Variants in GLMN observed in about 807,000 individuals in gnomAD.
GLMN encodes glomulin.
GLMN carries 75 observed loss-of-function variants against 87.8 expected under a neutral mutation model. The ratio of observed to expected loss-of-function variants is 0.85; its 90% CI spans 0.71 to 1.04. The LOEUF is 1.04. GLMN is among the 50% of genes least tolerant of loss of function. The pLI, the probability that GLMN is intolerant of heterozygous loss-of-function variation, is 0.00. For missense variants in GLMN, 588 were observed against 658.8 expected (o/e 0.89, Z 1.18); for synonymous variants, 206 against 221.6 (o/e 0.93, Z 0.63).
At chr1:92,322,353 T>G in the GLMN span, among the ~76,000 whole-genome samples, 2 of 150,766 alleles carry the variant, frequency 1.3e-5, no homozygotes, top group African/African-American at 4.9e-5. Context: ...GAGACCAGCC[T>G]GGCCAACATG....
the GLMN span, chr1:92,345,870 C>A: frequency 6.2e-7 from 1 of 1,603,852 alleles, no homozygotes; most frequent in East Asian, 2.2e-5. Context: ...ATATTATACA[C>A]AAACCTGCGG....
At chr1:92,324,009 G>C in the GLMN span, 3 of 1,613,918 alleles carry the variant, frequency 1.9e-6, no homozygotes, top group African/African-American at 1.3e-5. Flanking sequence ...AAGTTGGAAA[G>C]AGAAACTTAC....
upstream of GLMN, chr1:92,301,614 T>G (rs1195294572): frequency 9.7e-7 from 1 of 1,029,416 alleles, no homozygotes; most frequent in Non-Finnish European, 1.4e-6. Context: ...TGACAAATTA[T>G]TAGTTTTGTA....
chr1:92,308,959 CA>C, the GLMN span, among the ~76,000 whole-genome samples: 1 of 151,910 alleles, frequency 6.6e-6, no homozygotes, highest in Non-Finnish European at 1.5e-5. Context: ...GATTCTGTCT[CA>C]AAAATTAAAT....
upstream of GLMN, chr1:92,301,415 A>T: frequency 1.2e-6 from 1 of 850,964 alleles, no homozygotes; most frequent in Non-Finnish European, 1.9e-6. Context: ...ATTGTATTTT[A>T]AAACATGGAA....
chr1:92,288,879 AG>A, intron 6 of GLMN, 34 bp downstream of exon 6: 1 of 984,032 alleles, frequency 1.0e-6, no homozygotes, highest in South Asian at 1.3e-5. Context: ...CAATTACTTA[AG>A]TCCACTGTGA....
intron 3 of GLMN, among the ~76,000 whole-genome samples, chr1:92,296,863 C>T (rs1451450990): frequency 6.6e-6 from 1 of 152,170 alleles, no homozygotes; most frequent in Non-Finnish European, 1.5e-5. Flanking sequence ...TTTCCATACA[C>T]ATTTGGCTGG....
At chr1:92,304,109 T>C in the GLMN span, 3 of 1,466,364 alleles carry the variant, frequency 2.0e-6, no homozygotes, top group South Asian at 3.6e-5. Flanking sequence ...ATATAGGCTT[T>C]TATTATTTTC....
At chr1:92,262,154 A>T (rs1570876846) in intron 16 of GLMN, among the ~76,000 whole-genome samples, 1 of 152,322 alleles carries the variant, frequency 6.6e-6, no homozygotes, top group Non-Finnish European at 1.5e-5. Flanking sequence ...ATTTAAAAAA[A>T]ATTTTCTTTG....
intron 3 of GLMN, among the ~76,000 whole-genome samples, 178 bp from the exon 4 acceptor site, chr1:92,291,715 T>A (rs544169573): frequency 3.7e-4 from 56 of 152,360 alleles, no homozygotes; most frequent in Middle Eastern, 3.4e-3. Flanking sequence ...TCAACATTTT[T>A]AAATAGTTTT....
chr1:92,293,823 G>A (rs1329164411), intron 3 of GLMN, among the ~76,000 whole-genome samples: 1 of 152,154 alleles, frequency 6.6e-6, no homozygotes, highest in Non-Finnish European at 1.5e-5. Context: ...GGATGGGACT[G>A]TAGACCATTA....
the GLMN span, among the ~76,000 whole-genome samples, chr1:92,321,944 C>CTTTTTT: frequency 9.4e-6 from 1 of 106,082 alleles, no homozygotes; most frequent in Admixed American, 9.6e-5. Flanking sequence ...AATTTTCTTT[C>CTTTTTT]TTTTTTTTTT....
the GLMN span, among the ~76,000 whole-genome samples, chr1:92,304,789 A>G: frequency 2.6e-5 from 4 of 152,192 alleles, no homozygotes; most frequent in Non-Finnish European, 4.4e-5. Flanking sequence ...CTCAGTCTCT[A>G]TACATAGATC....
At chr1:92,278,375 C>T (rs1647554351) in intron 7 of GLMN, among the ~76,000 whole-genome samples, 1 of 152,166 alleles carries the variant, frequency 6.6e-6, no homozygotes, top group Non-Finnish European at 1.5e-5. Context: ...TACTTCATCC[C>T]TCACAGCCTC....
intron 7 of GLMN, among the ~76,000 whole-genome samples, chr1:92,274,719 T>C (rs1039464813): frequency 6.6e-6 from 1 of 152,224 alleles, no homozygotes; most frequent in South Asian, 2.1e-4. Flanking sequence ...CCTAATCCCA[T>C]GCTGGATCTC....
the GLMN span, among the ~76,000 whole-genome samples, chr1:92,360,380 G>A: frequency 6.6e-6 from 1 of 152,164 alleles, no homozygotes; most frequent in Non-Finnish European, 1.5e-5. Flanking sequence ...TATTACATAT[G>A]GTGTTGGGGC....
At chr1:92,329,272 A>G in the GLMN span, among the ~76,000 whole-genome samples, 2 of 152,138 alleles carry the variant, frequency 1.3e-5, no homozygotes, top group South Asian at 2.1e-4. Context: ...AAAGACCATC[A>G]GGTGGGGGTA....
At chr1:92,308,074 G>T in the GLMN span, among the ~76,000 whole-genome samples, 76 of 150,926 alleles carry the variant, frequency 5.0e-4, no homozygotes, top group African/African-American at 1.7e-3. Flanking sequence ...AAAAGCTCTG[G>T]CTCAAAAAAA....
upstream of GLMN, among the ~76,000 whole-genome samples, chr1:92,302,497 C>T (rs897318266): frequency 6.7e-6 from 1 of 149,136 alleles, no homozygotes; most frequent in Non-Finnish European, 1.5e-5. Context: ...TTATTTTTGT[C>T]AATGTAATTT....
Sources: gnomAD v4.1 joint callset for allele counts (sites outside exome capture counted in the v4.1 genomes callset) on GRCh38, gnomAD v4.1.1 for gene constraint, MANE v1.5 for transcripts, NCBI Gene and HGNC (gene_info 2026-07-23, HGNC 2026-07-21) for gene names.